BEGAIN: variants seen among roughly 807,000 people sequenced by gnomAD.
BEGAIN encodes brain-enriched guanylate kinase-associated protein.
BEGAIN carries 19 observed loss-of-function variants against 35.8 expected under a neutral mutation model. The ratio of observed to expected loss-of-function variants is 0.53; its 90% CI spans 0.37 to 0.78. The LOEUF (loss-of-function observed/expected upper bound fraction) is 0.78, where lower values mean the gene tolerates loss of function less well. BEGAIN is among the 30% of genes least tolerant of loss of function. BEGAIN has a pLI of 0.00. For synonymous variants in BEGAIN, 462 were observed against 388.6 expected, an observed-to-expected ratio of 1.19 and a Z score of -2.22; for missense variants, 795 against 853.6, an observed-to-expected ratio of 0.93 and a Z score of 0.85.
chr14:100,539,229 G>A lies in BEGAIN; in HGVS notation c.579C>T (p.Tyr193=), dbSNP rs754276823. The change falls in exon 7 of 7, where the codon TAC becomes TAT. Residue 193 remains tyrosine (Y), a synonymous_variant. Coordinates refer to ENST00000554140, the MANE Select transcript of BEGAIN (RefSeq NM_001385089.1). The part of the protein sequence containing the change: ...SLPSPLCHPA[Y]ADSVPTCVIA... ...TGACGCAGGTGGGGACGCTGTCGGC[G>A]TAGGCCGGGTGGCAGAGCGGGGATG... is the stretch of plus-strand genomic sequence containing the variant. 28 of 1,588,164 alleles carry A rather than the reference G, an allele frequency of 1.8e-5. No individual in the cohort carries two copies. Among genetic ancestry groups the A allele is most frequent in the Middle Eastern group, 1.7e-4 (1 of 5,948 alleles).
chr14:100,569,165 G>C (rs948700558), intron 1 of BEGAIN: 45 of 154,504 alleles, frequency 2.9e-4, no homozygotes, highest in Admixed American at 1.0e-3. Flanking sequence ...TGGGGGGAAG[G>C]GGGAGGCAGC....
At position 100,543,927 on chromosome 14, in the gene BEGAIN, G is replaced by C. The variant is rs559180294; in HGVS notation, c.339C>G (p.His113Gln). ...GATGGCTGTTGAGGGCAACAATCTC[G>C]TGGCTCAGCGCACGCTTCTCCTCCT... is the stretch of plus-strand genomic sequence containing the variant. The part of the protein sequence containing the change: ...HYEEEKRALS[H>Q]EIVALNSHLL... Residue 113 changes from histidine (H) to glutamine (Q), a missense_variant, in exon 5 of 7, where the codon CAC (histidine) becomes CAG (glutamine). By Grantham distance (24) the His-to-Gln change is conservative (BLOSUM62 0). Around this residue, in one of 3 missense-constraint regions of BEGAIN, gnomAD observed 73 missense variants for 143.2 expected, o/e 0.51. Transcript: ENST00000554140. The C allele has an allele frequency of 1.7e-5, 28 of 1,613,048 alleles. No homozygotes were observed. Among genetic ancestry groups the C allele is most frequent in the Non-Finnish European group, 2.3e-5 (27 of 1,179,708 alleles).
chr14:100,554,878 G>A (rs912116778), intron 2 of BEGAIN, among the ~76,000 whole-genome samples: 1 of 152,204 alleles, frequency 6.6e-6, no homozygotes, highest in African/African-American at 2.4e-5. Flanking sequence ...CGCCATTCCT[G>A]GCCCCCCCCA....
At chr14:100,551,708 C>CA (rs1213356968) in intron 2 of BEGAIN, among the ~76,000 whole-genome samples, 1 of 152,184 alleles carries the variant, frequency 6.6e-6, no homozygotes, top group Non-Finnish European at 1.5e-5. Context: ...TTGGTACCCC[C>CA]ACCCCAAAAG....
At chr14:100,578,446 C>T (rs2035249600) in intron 1 of BEGAIN, among the ~76,000 whole-genome samples, 1 of 152,254 alleles carries the variant, frequency 6.6e-6, no homozygotes, top group African/African-American at 2.4e-5. Flanking sequence ...AAGGGGGTGG[C>T]AGAGGCTGCG....
intron 1 of BEGAIN, among the ~76,000 whole-genome samples, chr14:100,580,008 T>C (rs1385627792): frequency 1.3e-5 from 2 of 148,442 alleles, no homozygotes; most frequent in South Asian, 4.3e-4. Context: ...TGTGACCTTT[T>C]AAAATCACAG....
In BEGAIN at chr14:100,538,263, G is replaced by A. The variant is rs754375803; in HGVS notation, c.1545C>T (p.Gly515=). The A allele has an allele frequency of 3.2e-6, 5 of 1,563,052 alleles. No homozygotes were observed. The highest frequency in any genetic ancestry group is 4.3e-6 in the Non-Finnish European group (5 of 1,162,866). ...GGCCGGGACTGAGGCTCAGGTCGCC[G>A]CCCGCCCGCAGGAAGCAGGGCTCTG... ...HLAEPCFLRA[G]GDLSLSPGRS... Residue 515 remains glycine, a synonymous_variant, in exon 7 of 7, where the codon GGC becomes GGT. Transcript: ENST00000554140.
At chr14:100,550,479 G>A (rs938248178) in intron 2 of BEGAIN, 5 of 399,138 alleles carry the variant, frequency 1.3e-5, no homozygotes, top group Admixed American at 8.8e-5. Flanking sequence ...GGGGCTGCCC[G>A]AGGCACAAGG....
rs574516602 is a variant in BEGAIN at position 100,586,371 on chromosome 14, G to A, written c.42+878C>T. Among the ~76,000 whole-genome samples, 8 of 152,324 alleles carry A rather than the reference G, an allele frequency of 5.3e-5. No individual in the cohort carries two copies. Among genetic ancestry groups the A allele is most frequent in the African/African-American group, 1.9e-4 (8 of 41,590 alleles). ...ACTGGCGGCCGACCTTGGCCATGCGGACTTTGCACGTGCAGTGCTCCCTAT... is the reference window on the plus strand; with the variant it reads ...ACTGGCGGCCGACCTTGGCCATGCGAACTTTGCACGTGCAGTGCTCCCTAT... On this transcript the variant is annotated intron_variant, in intron 1 of 6. Coordinates refer to ENST00000554140, the MANE Select transcript of BEGAIN (RefSeq NM_001385089.1). The surrounding 1 kb of genome is among the most constrained non-coding windows in gnomAD (Gnocchi z 4.9).
chr14:100,554,469 G>A (rs1280885269), intron 2 of BEGAIN, among the ~76,000 whole-genome samples: 3 of 152,144 alleles, frequency 2.0e-5, no homozygotes, highest in Non-Finnish European at 4.4e-5. Flanking sequence ...CTTCCAGGCT[G>A]TAGGCAGCCA....
Position 100,580,030 on chromosome 14 carries a change from T to TGC in BEGAIN, c.42+7217_42+7218dup, listed in dbSNP as rs143069934. 1.1e-4 allele frequency among the ~76,000 whole-genome samples: 17 copies of TGC among 151,658 alleles called. 1 individual carries two copies. ...TTTTAAAATCACAGACCAGGCCGGG[T>TGC]GCGGTGGCTCACGCCTGGAATCCCA... On this transcript the variant is annotated intron_variant, in intron 1 of 6. Coordinates refer to ENST00000554140, the MANE Select transcript of BEGAIN (RefSeq NM_001385089.1).
chr14:100,539,031 C>G lies in BEGAIN; in HGVS notation c.777G>C (p.Arg259=). The change falls in exon 7 of 7, where the codon CGG becomes CGC. Residue 259 remains arginine (R), a synonymous_variant. Coordinates refer to ENST00000554140, the MANE Select transcript of BEGAIN (RefSeq NM_001385089.1). ...DTALYCPEER[R]RDRRPSVDAP... ...CGTCCACGCTAGGCCGCCGGTCTCG[C>G]CGCCGCTCCTCCGGGCAGTAGAGGG... The G allele has an allele frequency of 6.2e-7, 1 of 1,611,896 alleles. No individual in the cohort carries two copies. The highest frequency in any genetic ancestry group is 8.5e-7 in the Non-Finnish European group (1 of 1,179,466).
chr14:100,557,826 C>T (rs956722143), intron 2 of BEGAIN, among the ~76,000 whole-genome samples: 5 of 152,176 alleles, frequency 3.3e-5, no homozygotes, highest in Non-Finnish European at 1.5e-5. Context: ...ACCTCCTCCC[C>T]ATCCCCACTC....
Position 100,568,158 on chromosome 14 carries a change from G to A in BEGAIN, c.43-219C>T. The A allele has an allele frequency of 1.1e-6, 1 of 928,508 alleles. No individual in the cohort carries two copies. Among genetic ancestry groups the A allele is most frequent in the Middle Eastern group, 5.4e-4 (1 of 1,868 alleles). The allele number at this position is 928,508 out of a possible 1,614,324, so 57.5% of individuals were successfully genotyped here. On this transcript the variant is annotated intron_variant, in intron 1 of 6. Coordinates refer to ENST00000554140, the MANE Select transcript of BEGAIN (RefSeq NM_001385089.1). This position sits in a 1 kb window ranked among gnomAD's most constrained non-coding sequence, Gnocchi z 7.5. ...CCGAGTAACAGGTGAGCCCGCCCGG[G>A]CCGCCGCGCTCCCCGCACCGAGTTA...
intron 2 of BEGAIN, among the ~76,000 whole-genome samples, chr14:100,553,109 G>A (rs926076160): frequency 7.9e-5 from 12 of 152,146 alleles, no homozygotes; most frequent in Non-Finnish European, 1.5e-4. Flanking sequence ...GTCAACAGAC[G>A]CCTGTTTTCC....
rs955592435 is a variant in BEGAIN at position 100,552,773 on chromosome 14, GTC to G, written c.72-6113_72-6112del. On this transcript the variant is annotated intron_variant, in intron 2 of 6. Transcript: ENST00000554140. ...AGCACGTGGTCCCTAGGGACGACCT[GTC>G]TCAGTGTCACTTCCAGCTGGGTGCA... 5.3e-5 allele frequency among the ~76,000 whole-genome samples: 8 copies of G among 152,236 alleles called. 1 individual carries two copies. Among genetic ancestry groups the G allele is most frequent in the African/African-American group, 1.7e-4 (7 of 41,462 alleles).
intron 1 of BEGAIN, among the ~76,000 whole-genome samples, chr14:100,579,322 C>T (rs1334639773): frequency 6.6e-6 from 1 of 152,212 alleles, no homozygotes; most frequent in Non-Finnish European, 1.5e-5. Context: ...GCCTTTGGCA[C>T]ATGGAGGCCT....
Position 100,546,643 on chromosome 14 carries a change from C to T in BEGAIN, c.91G>A (p.Gly31Ser), listed in dbSNP as rs1484300866. The change falls in exon 3 of 7, where the codon GGC becomes AGC. Residue 31 changes from glycine to serine, a missense_variant. Coordinates refer to ENST00000554140, the MANE Select transcript of BEGAIN (RefSeq NM_001385089.1). ...TAGGACAGCCGCTTGCGCAGCTCGC[C>T]CTTCTGCTCCTGCAGCGCGCTGCAA... ...EKLSALQEQK[G>S]ELRKRLSYTT... The T allele has an allele frequency of 1.3e-6, 2 of 1,573,032 alleles. No homozygotes were observed. The highest frequency in any genetic ancestry group is 2.5e-5 in the East Asian group (1 of 40,410).
chr14:100,545,984 T>A (rs2032314208), intron 3 of BEGAIN: 1 of 152,858 alleles, frequency 6.5e-6, no homozygotes, highest in Admixed American at 6.5e-5. Flanking sequence ...CCATTTTAAA[T>A]GTGCACAAGA....
Sources: gnomAD v4.1 joint callset for allele counts (sites outside exome capture counted in the v4.1 genomes callset) on GRCh38, gnomAD v4.1.1 for gene constraint, gnomAD v4.1.1 regional missense constraint, Gnocchi (gnomAD v3.1) non-coding constraint, MANE v1.5 for transcripts, NCBI Gene and HGNC (gene_info 2026-07-23, HGNC 2026-07-21) for gene names.